MYO16: variants seen among roughly 807,000 people sequenced by gnomAD.
MYO16 encodes myosin XVI, also known as unconventional myosin-XVI.
A neutral mutation model predicts 205.3 loss-of-function variants in MYO16; 94 were observed. That is an observed-to-expected ratio of 0.46 (90% CI 0.39 to 0.54). The LOEUF is 0.54. Ranked by LOEUF, MYO16 falls within the 20% of genes least tolerant of loss-of-function variation. MYO16 has a pLI of 0.00. For synonymous variants in MYO16, 988 were observed against 954.0 expected, an observed-to-expected ratio of 1.04 and a Z score of -0.66; for missense variants, 2,315 against 2,387.5, an observed-to-expected ratio of 0.97 and a Z score of 0.63.
At chr13:108,942,762 T>C (rs1020102071) in intron 16 of MYO16, among the ~76,000 whole-genome samples, 1 of 152,196 alleles carries the variant, frequency 6.6e-6, no homozygotes, top group South Asian at 2.1e-4. Flanking sequence ...TATTTTTGTT[T>C]CCTTGACTGA....
chr13:108,837,112 C>A (rs1440598199), intron 9 of MYO16, among the ~76,000 whole-genome samples: 2 of 152,102 alleles, frequency 1.3e-5, no homozygotes, highest in African/African-American at 2.4e-5. Context: ...GGGAGGGATC[C>A]AGTGGGAGGT....
At chr13:109,156,813 C>T (rs190034731) in intron 32 of MYO16, among the ~76,000 whole-genome samples, 101 of 152,278 alleles carry the variant, frequency 6.6e-4, no homozygotes, top group African/African-American at 2.2e-3. Flanking sequence ...CCCTCCTGCA[C>T]GGCAGTCACC....
At chr13:108,980,658 A>G (rs776719474) in intron 20 of MYO16, among the ~76,000 whole-genome samples, 4 of 152,210 alleles carry the variant, frequency 2.6e-5, no homozygotes, top group African/African-American at 4.8e-5. Context: ...CTTTGCAACA[A>G]AGGACATTTT....
chr13:108,898,359 T>A (rs937169052), intron 15 of MYO16, among the ~76,000 whole-genome samples: 3 of 133,572 alleles, frequency 2.2e-5, no homozygotes, highest in Admixed American at 1.5e-4. Context: ...TGAGTGTGTG[T>A]GTGTGTGTGT....
chr13:108,752,808 A>ATTTTTTT lies in MYO16; in HGVS notation c.507+25244_507+25250dup, dbSNP rs58645882. On this transcript the variant is annotated intron_variant, in intron 4 of 34. Transcript: ENST00000457511. The stretch of plus-strand genomic sequence containing the variant: ...AGACACCTGCCACCGTGCCCAGCTA[A>ATTTTTTT]TTTTTTTTTTTTTTTTTTTTTTTTT... Among the ~76,000 whole-genome samples the ATTTTTTT allele has an allele frequency of 6.6e-5, 6 of 90,570 alleles. 1 individual carries two copies. Among genetic ancestry groups the ATTTTTTT allele is most frequent in the African/African-American group, 2.0e-4 (5 of 24,440 alleles). 59.4% of individuals were successfully genotyped at this position (90,570 alleles called of 152,430 possible).
Position 108,964,794 on chromosome 13 carries a change from T to G in MYO16, c.2261T>G (p.Ile754Ser). The change falls in exon 20 of 35, where the codon ATT (isoleucine) becomes AGT (serine). Residue 754 changes from isoleucine to serine, a missense_variant. Coordinates refer to ENST00000457511, the MANE Select transcript of MYO16 (RefSeq NM_001198950.3). ...DMIIRRHTIQ[I>S]AEFFRDLLAK... ...ATAATACGACGACATACCATACAGA[T>G]TGCTGAGTTTTTCCGAGACCTCTTG... is the stretch of plus-strand genomic sequence containing the variant. The G allele has an allele frequency of 6.2e-7, 1 of 1,614,168 alleles. No homozygotes were observed. The highest frequency in any genetic ancestry group is 1.3e-5 in the African/African-American group (1 of 75,072).
At chr13:108,570,625 C>T in the MYO16 span, among the ~76,000 whole-genome samples, 30 of 152,328 alleles carry the variant, frequency 2.0e-4, no homozygotes, top group African/African-American at 6.0e-4. Context: ...TTAAAAGTAG[C>T]GTTTCTTACC....
At chr13:108,805,945 T>TAAATAAATAAATAAAA (rs1301765170) in intron 6 of MYO16, among the ~76,000 whole-genome samples, 10 of 150,552 alleles carry the variant, frequency 6.6e-5, no homozygotes, top group African/African-American at 1.5e-4. Flanking sequence ...AATAAATAAA[T>TAAATAAATAAATAAAA]AAATAAATAA....
At chr13:108,945,625 CAGAAA>C (rs149642353) in intron 16 of MYO16, among the ~76,000 whole-genome samples, 6,997 of 151,952 alleles carry the variant, frequency 0.046, 520 homozygotes, top group African/African-American at 0.16. Context: ...TTACATTTAG[CAGAAA>C]AGAAAATTTA....
intron 1 of MYO16, among the ~76,000 whole-genome samples, chr13:108,646,944 A>G (rs1389786599): frequency 6.6e-6 from 1 of 152,104 alleles, no homozygotes; most frequent in African/African-American, 2.4e-5. Context: ...GACATTTCCT[A>G]CTTGAAGCAT....
chr13:109,018,923 G>A (rs1403905043), intron 22 of MYO16, among the ~76,000 whole-genome samples: 1 of 151,562 alleles, frequency 6.6e-6, no homozygotes, highest in Non-Finnish European at 1.5e-5. Context: ...GGAGCTGCAG[G>A]CCAGAGCTGT....
intron 12 of MYO16, among the ~76,000 whole-genome samples, chr13:108,881,246 C>T (rs1879599978): frequency 6.6e-6 from 1 of 152,104 alleles, no homozygotes; most frequent in African/African-American, 2.4e-5. Flanking sequence ...TAGAAGGAAA[C>T]TAACAAACAG....
intron 27 of MYO16, among the ~76,000 whole-genome samples, chr13:109,074,110 A>G (rs1888013374): frequency 6.6e-6 from 1 of 152,170 alleles, no homozygotes; most frequent in Admixed American, 6.5e-5. Flanking sequence ...TAACAATTTT[A>G]ACAGTTTTAT....
At chr13:108,867,307 A>G (rs1878770732) in intron 12 of MYO16, among the ~76,000 whole-genome samples, 1 of 152,192 alleles carries the variant, frequency 6.6e-6, no homozygotes, top group South Asian at 2.1e-4. Context: ...TTGAAGCTAC[A>G]GGGAGCTGTG....
chr13:108,757,632 T>C (rs968728083), intron 4 of MYO16, among the ~76,000 whole-genome samples: 10 of 151,862 alleles, frequency 6.6e-5, no homozygotes, highest in African/African-American at 2.4e-4. Context: ...CTCCCCCTTC[T>C]CCCCACCCCA....
At chr13:108,651,452 G>A (rs542614560) in intron 1 of MYO16, among the ~76,000 whole-genome samples, 62 of 152,252 alleles carry the variant, frequency 4.1e-4, no homozygotes, top group African/African-American at 1.3e-3. Context: ...TGTTGTTTAC[G>A]AAATATGGTA....
At chr13:108,958,928 A>G (rs1046418200) in intron 17 of MYO16, among the ~76,000 whole-genome samples, 18 of 152,224 alleles carry the variant, frequency 1.2e-4, no homozygotes, top group African/African-American at 3.9e-4. Context: ...AGCCCAGATT[A>G]GGTCACAGAT....
the MYO16 span, among the ~76,000 whole-genome samples, chr13:108,580,216 T>C: frequency 6.6e-6 from 1 of 152,206 alleles, no homozygotes; most frequent in Non-Finnish European, 1.5e-5. Flanking sequence ...CATTTTCCTA[T>C]ACAGCATCTA....
intron 29 of MYO16, among the ~76,000 whole-genome samples, chr13:109,120,894 G>C (rs907662198): frequency 6.6e-6 from 1 of 151,998 alleles, no homozygotes; most frequent in African/African-American, 2.4e-5. Context: ...CTCAAAAAAT[G>C]TCTTAATTAG....
Sources: gnomAD v4.1 joint callset for allele counts (sites outside exome capture counted in the v4.1 genomes callset) on GRCh38, gnomAD v4.1.1 for gene constraint, MANE v1.5 for transcripts, NCBI Gene and HGNC (gene_info 2026-07-23, HGNC 2026-07-21) for gene names.